CCBE1: variants seen among roughly 807,000 people sequenced by gnomAD.
The protein encoded by CCBE1 is collagen and calcium-binding EGF domain-containing protein 1.
Under a neutral mutation model 50.0 loss-of-function variants are expected in CCBE1, and 37 were observed. The observed-to-expected ratio is 0.74, with a 90% CI of 0.57 to 0.97. CCBE1 has a LOEUF of 0.97. CCBE1 is among the 50% of genes least tolerant of loss of function. The pLI is 0.00. For missense variants in CCBE1, 538 were observed against 523.8 expected, an observed-to-expected ratio of 1.03 and a Z score of -0.26; for synonymous variants, 234 against 203.7, an observed-to-expected ratio of 1.15 and a Z score of -1.27.
intron 3 of CCBE1, among the ~76,000 whole-genome samples, chr18:59,469,868 A>C (rs2143733751): frequency 6.6e-6 from 1 of 152,286 alleles, no homozygotes; most frequent in Admixed American, 6.5e-5. Flanking sequence ...GTCACTATCC[A>C]GAGAGAAAAG....
intron 2 of CCBE1, among the ~76,000 whole-genome samples, chr18:59,579,672 C>T (rs2053054519): frequency 6.6e-6 from 1 of 152,206 alleles, no homozygotes; most frequent in Non-Finnish European, 1.5e-5. Context: ...GTGGCAGCCA[C>T]CTGCCTGGAG....
intron 2 of CCBE1, among the ~76,000 whole-genome samples, chr18:59,572,852 A>C (rs898987617): frequency 6.6e-6 from 1 of 152,188 alleles, no homozygotes; most frequent in Admixed American, 6.5e-5. Flanking sequence ...AGATGGTTTT[A>C]GTTTATGTGT....
intron 2 of CCBE1, among the ~76,000 whole-genome samples, chr18:59,518,731 T>A (rs1398895988): frequency 6.6e-6 from 1 of 152,158 alleles, no homozygotes; most frequent in African/African-American, 2.4e-5. Context: ...CCTCACACTT[T>A]CCATGTTTGT....
intron 2 of CCBE1, among the ~76,000 whole-genome samples, chr18:59,523,736 C>G (rs955874218): frequency 6.6e-6 from 1 of 152,024 alleles, no homozygotes; most frequent in Admixed American, 6.6e-5. Flanking sequence ...GAAACTGAAG[C>G]TAAAAGAAGT....
At chr18:59,545,940 G>A (rs1045914828) in intron 2 of CCBE1, among the ~76,000 whole-genome samples, 15 of 151,846 alleles carry the variant, frequency 9.9e-5, no homozygotes, top group Non-Finnish European at 1.3e-4. Flanking sequence ...ACGTCTCTTT[G>A]TCAGCAGCGT....
chr18:59,569,595 A>G (rs1349807539), intron 2 of CCBE1, among the ~76,000 whole-genome samples: 6 of 151,706 alleles, frequency 4.0e-5, no homozygotes, highest in Non-Finnish European at 8.8e-5. Flanking sequence ...AATGTTGAAC[A>G]CAGATGTTAT....
At chr18:59,683,567 G>A (rs1052633085) in intron 2 of CCBE1, among the ~76,000 whole-genome samples, 2 of 151,782 alleles carry the variant, frequency 1.3e-5, no homozygotes, top group Non-Finnish European at 2.9e-5. Context: ...GAGTGGTGGC[G>A]CACGCCTGTA....
Position 59,466,756 on chromosome 18 carries a change from T to A in CCBE1, c.536A>T (p.Lys179Ile). The part of the protein sequence containing the change: ...DDGKTCTRGD[K>I]YPNDTGHEKS... ...CTACTTACCAGTGTCATTGGGATAT[T>A]TGTCTCCCCTGGTACATGTCTTCCC... Residue 179 changes from lysine to isoleucine, a missense_variant, in exon 5 of 11, where the codon AAA becomes ATA. Physicochemically the swap from Lys to Ile is moderately radical, Grantham distance 102. Transcript: ENST00000439986. The A allele has an allele frequency of 6.2e-7, 1 of 1,613,154 alleles. No individual in the cohort carries two copies. The highest frequency in any genetic ancestry group is 8.5e-7 in the Non-Finnish European group (1 of 1,179,690).
chr18:59,499,455 T>C (rs990184491), intron 2 of CCBE1, among the ~76,000 whole-genome samples: 6 of 152,182 alleles, frequency 3.9e-5, no homozygotes, highest in African/African-American at 1.2e-4. Context: ...AAAGGTTTAA[T>C]GGACTCACAG....
intron 2 of CCBE1, among the ~76,000 whole-genome samples, chr18:59,610,780 AG>A (rs11286428): frequency 0.35 from 52,694 of 152,098 alleles, 9,592 homozygotes; most frequent in East Asian, 0.61. Flanking sequence ...CAGAGGCCAA[AG>A]GTGAACCAGT....
Position 59,433,709 on chromosome 18 carries a change from A to G in CCBE1, c.*2199T>C, listed in dbSNP as rs936789845. On this transcript the variant is annotated 3_prime_UTR_variant, in exon 11 of 11. Coordinates refer to ENST00000439986, the MANE Select transcript of CCBE1 (RefSeq NM_133459.4). Reference sequence around the variant, plus strand: ...AAGCTCCGCCTCCCAGGTTCACGCCATTCTCCTGCCTCAGCCTCCCGAGCA... The same window carrying G: ...AAGCTCCGCCTCCCAGGTTCACGCCGTTCTCCTGCCTCAGCCTCCCGAGCA... 2.0e-5 allele frequency: 3 copies of G among 148,676 alleles called. No individual in the cohort carries two copies. The highest frequency in any genetic ancestry group is 4.4e-5 in the Non-Finnish European group (3 of 67,632). 9.2% of individuals were successfully genotyped at this position (148,676 alleles called of 1,614,324 possible).
intron 2 of CCBE1, among the ~76,000 whole-genome samples, chr18:59,504,550 G>A (rs2143847423): frequency 6.6e-6 from 1 of 152,198 alleles, no homozygotes; most frequent in African/African-American, 2.4e-5. Flanking sequence ...CTTTGTGAGA[G>A]ACAGAAAAGG....
rs148512583 is a variant in CCBE1 at position 59,679,851 on chromosome 18, T to C, written c.212+16778A>G. Among the ~76,000 whole-genome samples the C allele has an allele frequency of 1.2e-3, 185 of 152,232 alleles. 1 individual carries two copies. In the South Asian group the frequency reaches 0.03, roughly 25 times the overall value. ...ATATGTAAGATGAACATTGGTTCAG[T>C]CTAGAAAGGCGGGACAACTTGAGGC... On this transcript the variant is annotated intron_variant, in intron 2 of 10. Coordinates refer to ENST00000439986, the MANE Select transcript of CCBE1 (RefSeq NM_133459.4).
At position 59,533,697 on chromosome 18, in the gene CCBE1, T is replaced by C. The variant is rs1385557090; in HGVS notation, c.213-53459A>G. Among the ~76,000 whole-genome samples, 4 of 152,316 alleles carry C rather than the reference T, an allele frequency of 2.6e-5. No homozygotes were observed. The East Asian group carries it at 5.8e-4, about 22-fold the overall frequency. The stretch of plus-strand genomic sequence containing the variant: ...CATCCACGTTAAAAACAGACCTTCA[T>C]GAGCACCCCAAAATTCCTCCCCTGT... On this transcript the variant is annotated intron_variant, in intron 2 of 10. Coordinates refer to ENST00000439986, the MANE Select transcript of CCBE1 (RefSeq NM_133459.4).
At chr18:59,620,781 G>A (rs1043989503) in intron 2 of CCBE1, among the ~76,000 whole-genome samples, 1 of 152,188 alleles carries the variant, frequency 6.6e-6, no homozygotes, top group Non-Finnish European at 1.5e-5. Flanking sequence ...GGCCTCTCCA[G>A]CCATGTGGAA....
intron 2 of CCBE1, among the ~76,000 whole-genome samples, chr18:59,669,829 T>G (rs1233061622): frequency 1.3e-5 from 2 of 152,216 alleles, no homozygotes; most frequent in African/African-American, 4.8e-5. Context: ...ATTAACTATA[T>G]CTGGCTTGCA....
chr18:59,482,111 T>C (rs1328243487), intron 2 of CCBE1, among the ~76,000 whole-genome samples: 1 of 152,216 alleles, frequency 6.6e-6, no homozygotes, highest in Non-Finnish European at 1.5e-5. Flanking sequence ...TGTGTTCTCA[T>C]TGTTCAACTC....
At chr18:59,592,811 A>C (rs1036959721) in intron 2 of CCBE1, among the ~76,000 whole-genome samples, 1 of 152,196 alleles carries the variant, frequency 6.6e-6, no homozygotes, top group African/African-American at 2.4e-5. Context: ...TATCACCTGC[A>C]TAAGGACGAG....
chr18:59,481,429 C>T (rs1912565916), intron 2 of CCBE1, among the ~76,000 whole-genome samples: 1 of 152,162 alleles, frequency 6.6e-6, no homozygotes, highest in African/African-American at 2.4e-5. Flanking sequence ...TGGCTGAAAA[C>T]CTCCAAAATT....
Sources: gnomAD v4.1 joint callset for allele counts (sites outside exome capture counted in the v4.1 genomes callset) on GRCh38, gnomAD v4.1.1 for gene constraint, MANE v1.5 for transcripts, NCBI Gene and HGNC (gene_info 2026-07-23, HGNC 2026-07-21) for gene names.